The following PLD1 variants were observed in gnomAD, a reference collection of about 807,000 sequenced individuals.
PLD1 encodes the protein choline phosphatase 1.
PLD1 carries 112 observed loss-of-function variants against 137.1 expected under a neutral mutation model. The ratio of observed to expected loss-of-function variants is 0.82; its 90% CI spans 0.70 to 0.96. PLD1 has a LOEUF of 0.96. PLD1 is among the 40% of genes least tolerant of loss of function. PLD1 has a pLI of 0.00. For synonymous variants in PLD1, 431 were observed against 454.7 expected, an observed-to-expected ratio of 0.95 and a Z score of 0.66; for missense variants, 1,321 against 1,342.0, an observed-to-expected ratio of 0.98 and a Z score of 0.24.
chr3:171,726,770 G>A (rs1347921719), intron 6 of PLD1, among the ~76,000 whole-genome samples: 2 of 152,130 alleles, frequency 1.3e-5, no homozygotes, highest in East Asian at 1.9e-4. Context: ...TTTACTGAGT[G>A]CTAACTATGA....
At chr3:171,699,871 A>G in intron 11 of PLD1, 45 bp from the exon 12 acceptor site, 1 of 1,485,374 alleles carries the variant, frequency 6.7e-7, no homozygotes, top group South Asian at 1.1e-5. Context: ...AACAAAATAT[A>G]AAGTTCTGAT....
In PLD1 at chr3:171,603,227, C is replaced by T; in HGVS notation, c.3076G>A (p.Ala1026Thr). 6.2e-7 allele frequency: 1 copy of T among 1,614,070 alleles called. No individual in the cohort carries two copies. Among genetic ancestry groups the T allele is most frequent in the Non-Finnish European group, 8.5e-7 (1 of 1,179,986 alleles). ...LRDFINKPVL[A>T]KEDPIRAEEE... ...TCAGCTCGAATGGGATCTTCCTTAG[C>T]TAATACGGGCTTGTTTATAAAGTCT... Residue 1026 changes from alanine to threonine, a missense_variant, in exon 27 of 27, where the codon GCT becomes ACT. Physicochemically the swap from Ala to Thr is moderately conservative, Grantham distance 58. Coordinates refer to ENST00000351298, the MANE Select transcript of PLD1 (RefSeq NM_002662.5).
intron 1 of PLD1, among the ~76,000 whole-genome samples, chr3:171,802,040 C>T (rs112496157): frequency 2.4e-3 from 362 of 152,316 alleles, no homozygotes; most frequent in African/African-American, 8.2e-3. Context: ...AATATCTCAG[C>T]AATGAATCAT....
intron 6 of PLD1, among the ~76,000 whole-genome samples, chr3:171,730,288 G>A (rs1331484459): frequency 6.6e-6 from 1 of 152,008 alleles, no homozygotes; most frequent in Non-Finnish European, 1.5e-5. Flanking sequence ...AGGGTAAAGA[G>A]GAAATACATT....
At chr3:171,738,319 A>C (rs1412387871) in intron 1 of PLD1, among the ~76,000 whole-genome samples, 1 of 152,120 alleles carries the variant, frequency 6.6e-6, no homozygotes, top group South Asian at 2.1e-4. Flanking sequence ...AAAAAGAAAA[A>C]AAAAAGCAAC....
chr3:171,717,108 T>C (rs1224705925), intron 8 of PLD1, among the ~76,000 whole-genome samples: 1 of 152,180 alleles, frequency 6.6e-6, no homozygotes, highest in African/African-American at 2.4e-5. Context: ...TGGTTACTGT[T>C]GCCCTGTAGT....
chr3:171,764,901 AAGGAAG>A (rs1560288868), intron 1 of PLD1, among the ~76,000 whole-genome samples: 1,266 of 34,618 alleles, frequency 0.037, 202 homozygotes, highest in Admixed American at 0.061. Flanking sequence ...GAAAGGAAGG[AAGGAAG>A]GAAGGAAAGA....
chr3:171,730,208 T>G (rs1167957059), intron 6 of PLD1, among the ~76,000 whole-genome samples: 1 of 152,190 alleles, frequency 6.6e-6, no homozygotes, highest in Non-Finnish European at 1.5e-5. Context: ...CAAAAGGAAT[T>G]CTTGTTTGAG....
At chr3:171,675,865 CAG>C (rs1560204864) in intron 18 of PLD1, among the ~76,000 whole-genome samples, 2 of 139,806 alleles carry the variant, frequency 1.4e-5, no homozygotes, top group Non-Finnish European at 3.0e-5. Flanking sequence ...TTTTTTGAGA[CAG>C]AGTCTCGCTC....
chr3:171,737,390 C>T (rs902863579), intron 3 of PLD1, 142 bp downstream of exon 3: 1 of 667,650 alleles, frequency 1.5e-6, no homozygotes, highest in Admixed American at 3.0e-5. Flanking sequence ...GTGAAAATGA[C>T]TTGGAAATGA....
intron 9 of PLD1, among the ~76,000 whole-genome samples, chr3:171,710,952 C>T (rs1256244570): frequency 7.0e-6 from 1 of 143,744 alleles, no homozygotes; most frequent in Non-Finnish European, 1.5e-5. Flanking sequence ...TGGCTCACTG[C>T]AACCTCCGCC....
At chr3:171,693,988 T>C (rs1223169011) in intron 12 of PLD1, among the ~76,000 whole-genome samples, 3 of 152,194 alleles carry the variant, frequency 2.0e-5, no homozygotes, top group African/African-American at 7.2e-5. Context: ...CATCACAAGA[T>C]ACAAAATCTT....
At chr3:171,747,409 A>C (rs1430690535) in intron 1 of PLD1, among the ~76,000 whole-genome samples, 2 of 151,932 alleles carry the variant, frequency 1.3e-5, no homozygotes, top group African/African-American at 4.8e-5. Context: ...TTTTGTGGGA[A>C]GCTATGGCCA....
intron 23 of PLD1, among the ~76,000 whole-genome samples, chr3:171,629,178 A>G (rs908732931): frequency 2.0e-5 from 3 of 151,942 alleles, no homozygotes; most frequent in Non-Finnish European, 2.9e-5. Flanking sequence ...AGGATACAAA[A>G]TCAATGTACA....
intron 11 of PLD1, among the ~76,000 whole-genome samples, chr3:171,708,248 T>C (rs6797824): frequency 0.32 from 48,323 of 152,062 alleles, 9,057 homozygotes; most frequent in African/African-American, 0.51. Flanking sequence ...GCAACTCTTA[T>C]GGATATTTTT....
chr3:171,737,809 ATTTGCTGGTTAC>A (rs1719480727), intron 2 of PLD1, 71 bp downstream of exon 2: 1 of 1,468,104 alleles, frequency 6.8e-7, no homozygotes, highest in African/African-American at 1.4e-5. Flanking sequence ...AAAATCAATC[ATTTGCTGGTTAC>A]TTCAAATTTG....
intron 23 of PLD1, among the ~76,000 whole-genome samples, chr3:171,623,037 C>T (rs1733768097): frequency 6.6e-6 from 1 of 151,998 alleles, no homozygotes; most frequent in African/African-American, 2.4e-5. Flanking sequence ...CAAGAGTAGA[C>T]TTGAACAAAT....
At chr3:171,792,979 C>T (rs1723279627) in intron 1 of PLD1, 1 of 294,508 alleles carries the variant, frequency 3.4e-6, no homozygotes, top group African/African-American at 2.2e-5. Context: ...AAGATACCAC[C>T]AGGAATACCT....
chr3:171,789,667 G>C (rs912370449), intron 1 of PLD1: 1 of 152,238 alleles, frequency 6.6e-6, no homozygotes, highest in East Asian at 1.9e-4. Context: ...CACAATGGCT[G>C]ATGACCCTCA....
Sources: gnomAD v4.1 joint callset for allele counts (sites outside exome capture counted in the v4.1 genomes callset) on GRCh38, gnomAD v4.1.1 for gene constraint, MANE v1.5 for transcripts, NCBI Gene and HGNC (gene_info 2026-07-23, HGNC 2026-07-21) for gene names.